RCAN2: variants seen among roughly 807,000 people sequenced by gnomAD.
RCAN2 encodes regulator of calcineurin 2, also known as calcipressin-2.
In RCAN2, 9 loss-of-function variants were observed where a neutral mutation model predicts 23.6. The observed-to-expected ratio is 0.38, with a 90% CI of 0.23 to 0.67. RCAN2 has a LOEUF of 0.67. Among genes scored for constraint, RCAN2 ranks in the 30% least tolerant of loss-of-function variants. The probability of loss-of-function intolerance (pLI) is 0.51; values close to 1 mark genes in which losing one functional copy is unlikely to be tolerated. For synonymous variants in RCAN2, 109 were observed against 115.7 expected, an observed-to-expected ratio of 0.94 and a Z score of 0.37; for missense variants, 273 against 302.3, an observed-to-expected ratio of 0.90 and a Z score of 0.72.
At chr6:46,313,643 A>G (rs1049466765) in intron 2 of RCAN2, among the ~76,000 whole-genome samples, 1 of 152,236 alleles carries the variant, frequency 6.6e-6, no homozygotes, top group African/African-American at 2.4e-5. Flanking sequence ...TTCAAGAACT[A>G]TACAATCATA....
chr6:46,406,153 C>A (rs1766400572), intron 2 of RCAN2, among the ~76,000 whole-genome samples: 1 of 152,202 alleles, frequency 6.6e-6, no homozygotes. Context: ...TCTCCCTCCA[C>A]ACCTCCCTGC....
intron 2 of RCAN2, among the ~76,000 whole-genome samples, chr6:46,439,528 C>T (rs537099140): frequency 3.1e-4 from 47 of 152,284 alleles, no homozygotes; most frequent in Non-Finnish European, 2.8e-4. Flanking sequence ...TAAATACATA[C>T]GCTTTGCACC....
intron 2 of RCAN2, among the ~76,000 whole-genome samples, chr6:46,436,492 G>A (rs1167434733): frequency 6.6e-6 from 1 of 152,144 alleles, no homozygotes; most frequent in Non-Finnish European, 1.5e-5. Flanking sequence ...TGGGATTATC[G>A]GCATGAGCCA....
At chr6:46,443,165 G>A (rs1328450449) in intron 2 of RCAN2, among the ~76,000 whole-genome samples, 1 of 152,110 alleles carries the variant, frequency 6.6e-6, no homozygotes, top group Non-Finnish European at 1.5e-5. Context: ...GAAAAACAGT[G>A]AAATTCCTAA....
intron 2 of RCAN2, chr6:46,438,311 T>G (rs1175724148): frequency 6.6e-6 from 1 of 152,282 alleles, no homozygotes; most frequent in East Asian, 1.9e-4. Context: ...ATGGCAGTCA[T>G]GGCTCTGTGC....
In RCAN2 at chr6:46,457,851, T is replaced by C. The variant is rs1317745830; in HGVS notation, c.-2-873A>G. 3.3e-5 allele frequency among the ~76,000 whole-genome samples: 5 copies of C among 152,322 alleles called. No individual in the cohort carries two copies. The South Asian group carries it at 1.0e-3, about 32-fold the overall frequency. Reference sequence around the variant, plus strand: ...TTCACCTAGCTGTGTTCAACCCTTCTATTATTTTTTCACCCCTTATATTTG... The same window carrying C: ...TTCACCTAGCTGTGTTCAACCCTTCCATTATTTTTTCACCCCTTATATTTG... On this transcript the variant is annotated intron_variant, in intron 1 of 4. Coordinates refer to ENST00000371374, the MANE Select transcript of RCAN2 (RefSeq NM_001251974.2).
intron 2 of RCAN2, among the ~76,000 whole-genome samples, chr6:46,354,897 ATGTGTGTGTGTGTG>A (rs6149559): frequency 0.063 from 9,139 of 144,686 alleles, 367 homozygotes; most frequent in African/African-American, 0.11. Flanking sequence ...AAGATTATAT[ATGTGTGTGTGTGTG>A]TGTGTGTGTG....
At chr6:46,230,080 C>G (rs1337750079) in intron 4 of RCAN2, among the ~76,000 whole-genome samples, 2 of 152,222 alleles carry the variant, frequency 1.3e-5, no homozygotes, top group Non-Finnish European at 2.9e-5. Context: ...CCAGCGGAGG[C>G]TGCAGAACAA....
chr6:46,446,474 G>A (rs1163792408), intron 2 of RCAN2, among the ~76,000 whole-genome samples: 1 of 152,076 alleles, frequency 6.6e-6, no homozygotes, highest in Admixed American at 6.6e-5. Flanking sequence ...TAAATGAAAA[G>A]GAGGATGCTA....
At chr6:46,434,697 A>G (rs1263197371) in intron 2 of RCAN2, among the ~76,000 whole-genome samples, 1 of 152,230 alleles carries the variant, frequency 6.6e-6, no homozygotes, top group Admixed American at 6.5e-5. Context: ...AGAAATGCCC[A>G]GGCAACTCCT....
intron 4 of RCAN2, among the ~76,000 whole-genome samples, chr6:46,225,658 T>C (rs1482192724): frequency 1.3e-5 from 2 of 152,230 alleles, no homozygotes; most frequent in South Asian, 4.1e-4. Flanking sequence ...TAAATTTGTT[T>C]AAGTTCTTTG....
chr6:46,366,921 A>C lies in RCAN2; in HGVS notation c.225+89831T>G, dbSNP rs184675879. 8.0e-4 allele frequency among the ~76,000 whole-genome samples: 120 copies of C among 150,028 alleles called. 1 individual carries two copies. Among genetic ancestry groups the C allele is most frequent in the African/African-American group, 2.8e-3 (114 of 40,904 alleles). On this transcript the variant is annotated intron_variant, in intron 2 of 4. Transcript: ENST00000371374. ...TAAAGTCGTTCTTACTGTCTTTTGT[A>C]AGCATCACAAATACACAAATATATT...
chr6:46,368,928 A>G (rs1350185137), intron 2 of RCAN2, among the ~76,000 whole-genome samples: 1 of 152,204 alleles, frequency 6.6e-6, no homozygotes, highest in Non-Finnish European at 1.5e-5. Flanking sequence ...TAACTTTTTA[A>G]TGTTATAAAC....
intron 2 of RCAN2, among the ~76,000 whole-genome samples, chr6:46,299,584 C>G (rs560137397): frequency 4.1e-4 from 63 of 152,100 alleles, no homozygotes; most frequent in African/African-American, 1.5e-3. Flanking sequence ...CTTTCTTCCC[C>G]TCTCTGGCCC....
intron 2 of RCAN2, among the ~76,000 whole-genome samples, chr6:46,327,972 A>G (rs1420246902): frequency 1.3e-5 from 2 of 152,234 alleles, no homozygotes; most frequent in Non-Finnish European, 2.9e-5. Context: ...CCCAGAGCCC[A>G]TCAAGAAACA....
chr6:46,299,984 A>G (rs1380585207), intron 2 of RCAN2, among the ~76,000 whole-genome samples: 5 of 151,938 alleles, frequency 3.3e-5, no homozygotes, highest in Non-Finnish European at 2.9e-5. Flanking sequence ...ACACGAAGAT[A>G]AAGTAATTAT....
intron 2 of RCAN2, among the ~76,000 whole-genome samples, chr6:46,418,596 T>C (rs1766776157): frequency 2.6e-5 from 4 of 151,686 alleles, no homozygotes; most frequent in Middle Eastern, 3.4e-3. Flanking sequence ...AGTCATGTGC[T>C]AGGAGCCAGC....
intron 2 of RCAN2, among the ~76,000 whole-genome samples, chr6:46,250,382 T>G (rs1374020047): frequency 6.6e-6 from 1 of 152,150 alleles, no homozygotes; most frequent in Non-Finnish European, 1.5e-5. Flanking sequence ...CTAAGGAAAT[T>G]ATATATACAA....
intron 4 of RCAN2, among the ~76,000 whole-genome samples, chr6:46,226,165 A>T (rs1410373439): frequency 6.6e-6 from 1 of 152,174 alleles, no homozygotes; most frequent in African/African-American, 2.4e-5. Flanking sequence ...TGGTACCAGT[A>T]CCGTGCTATT....
Sources: allele counts gnomAD v4.1 joint callset (sites outside exome capture counted in the v4.1 genomes callset), GRCh38; gene constraint gnomAD v4.1.1; transcripts MANE v1.5; gene names NCBI Gene and HGNC (gene_info 2026-07-23, HGNC 2026-07-21).